The following LMBR1 variants were observed in gnomAD, a reference collection of about 807,000 sequenced individuals.
LMBR1 encodes limb region 1 protein homolog.
LMBR1 carries 52 observed loss-of-function variants against 73.9 expected under a neutral mutation model. The observed-to-expected ratio is 0.70, with a 90% CI of 0.56 to 0.89. LMBR1 has a LOEUF of 0.89. Ranked by LOEUF, LMBR1 falls within the 40% of genes least tolerant of loss-of-function variation. The probability of loss-of-function intolerance (pLI) is 0.00; values close to 1 mark genes in which losing one functional copy is unlikely to be tolerated. For missense variants in LMBR1, 539 were observed against 579.8 expected (o/e 0.93, Z 0.72); for synonymous variants, 215 against 209.4 (o/e 1.03, Z -0.23).
In LMBR1 at chr7:156,680,141, C is replaced by T; in HGVS notation, c.*3937G>A. On this transcript the variant is annotated 3_prime_UTR_variant, in exon 17 of 17. Coordinates refer to ENST00000353442, the MANE Select transcript of LMBR1 (RefSeq NM_022458.4). ...CAATAATTTTTACCTAAACAATATT[C>T]AAAAACCAAAAAAAAAAAAAACTCC... 1 of 137,486 alleles carries T rather than the reference C, an allele frequency of 7.3e-6. No homozygotes were observed. Among genetic ancestry groups the T allele is most frequent in the South Asian group, 2.3e-4 (1 of 4,298 alleles). 8.5% of individuals were successfully genotyped at this position (137,486 alleles called of 1,614,324 possible).
At chr7:156,719,391 T>C (rs111721968) in intron 15 of LMBR1, among the ~76,000 whole-genome samples, 1 of 152,232 alleles carries the variant, frequency 6.6e-6, no homozygotes, top group African/African-American at 2.4e-5. Flanking sequence ...TTGTTGGACA[T>C]TTGGATTGGT....
chr7:156,892,781 G>C (rs1440823275), intron 1 of LMBR1, 147 bp downstream of exon 1: 1 of 439,640 alleles, frequency 2.3e-6, no homozygotes, highest in Non-Finnish European at 4.0e-6. Context: ...GAGAGGAGGG[G>C]TGGGGAGGGA....
chr7:156,717,006 G>T (rs899933921), intron 15 of LMBR1, among the ~76,000 whole-genome samples: 26 of 152,150 alleles, frequency 1.7e-4, no homozygotes, highest in African/African-American at 6.0e-4. Flanking sequence ...GGGTGTGGTG[G>T]TGGGCAGCTG....
intron 5 of LMBR1, among the ~76,000 whole-genome samples, chr7:156,766,011 G>A (rs1456515931): frequency 6.6e-6 from 1 of 152,160 alleles, no homozygotes; most frequent in Non-Finnish European, 1.5e-5. Flanking sequence ...GATAATCAGT[G>A]TTGGGAAATC....
chr7:156,786,964 A>ATT (rs1828216489), intron 5 of LMBR1, among the ~76,000 whole-genome samples: 1 of 152,092 alleles, frequency 6.6e-6, no homozygotes, highest in African/African-American at 2.4e-5. Flanking sequence ...CTTTAATGCT[A>ATT]TTTTCTTGGC....
intron 15 of LMBR1, among the ~76,000 whole-genome samples, chr7:156,715,827 C>T (rs1481446570): frequency 2.6e-5 from 4 of 152,162 alleles, no homozygotes; most frequent in African/African-American, 4.8e-5. Context: ...ATTCATCCAA[C>T]GATGGACACT....
chr7:156,819,192 C>T (rs952135438), intron 4 of LMBR1, among the ~76,000 whole-genome samples: 10 of 152,158 alleles, frequency 6.6e-5, no homozygotes, highest in African/African-American at 2.2e-4. Context: ...AATTCTTGCC[C>T]AGAAAAGTAA....
chr7:156,844,967 G>A (rs1433746340), intron 1 of LMBR1, among the ~76,000 whole-genome samples: 2 of 152,148 alleles, frequency 1.3e-5, no homozygotes, highest in Non-Finnish European at 2.9e-5. Flanking sequence ...AGACTGGTGC[G>A]TTATAATCAA....
intron 5 of LMBR1, among the ~76,000 whole-genome samples, chr7:156,784,471 C>T (rs1827720422): frequency 6.6e-6 from 1 of 152,154 alleles, no homozygotes; most frequent in African/African-American, 2.4e-5. Context: ...CCCACGTTCA[C>T]TACTTCAGCC....
chr7:156,771,257 G>A (rs1389860866), intron 5 of LMBR1, among the ~76,000 whole-genome samples: 4 of 151,602 alleles, frequency 2.6e-5, no homozygotes, highest in South Asian at 2.1e-4. Flanking sequence ...ATAGAGACAC[G>A]AAAAACCATA....
At chr7:156,675,816 T>C (rs939466387), downstream of LMBR1, 8 of 1,614,024 alleles carry the variant, frequency 5.0e-6, no homozygotes, top group Non-Finnish European at 5.9e-6. Flanking sequence ...GGAAGAAAAA[T>C]GTGGCCATGA....
chr7:156,674,035 G>A (rs776710923), downstream of LMBR1, among the ~76,000 whole-genome samples: 16 of 152,164 alleles, frequency 1.1e-4, no homozygotes, highest in Admixed American at 2.6e-4. Flanking sequence ...AGATCTCCAC[G>A]GGACTTGTTC....
At chr7:156,882,803 C>T (rs1419928445) in intron 1 of LMBR1, among the ~76,000 whole-genome samples, 2 of 152,336 alleles carry the variant, frequency 1.3e-5, no homozygotes, top group East Asian at 3.9e-4. Context: ...GAGGCCGAGG[C>T]AGGCAGATCA....
chr7:156,750,249 T>C (rs1820605409), intron 9 of LMBR1, among the ~76,000 whole-genome samples: 1 of 152,180 alleles, frequency 6.6e-6, no homozygotes, highest in South Asian at 2.1e-4. Flanking sequence ...TTAATGCCGT[T>C]GCATTACTTA....
At chr7:156,793,345 C>T (rs938063429) in intron 5 of LMBR1, among the ~76,000 whole-genome samples, 2 of 152,146 alleles carry the variant, frequency 1.3e-5, no homozygotes, top group African/African-American at 2.4e-5. Flanking sequence ...ACCTTTCCAA[C>T]TTTCATGTGA....
intron 4 of LMBR1, among the ~76,000 whole-genome samples, chr7:156,820,238 T>C (rs796757951): frequency 1.1e-4 from 17 of 152,248 alleles, no homozygotes; most frequent in African/African-American, 4.1e-4. Context: ...ATGCAGCTAC[T>C]GATCTGGCAA....
intron 5 of LMBR1, among the ~76,000 whole-genome samples, chr7:156,768,426 T>G (rs1292581011): frequency 6.6e-6 from 1 of 152,160 alleles, no homozygotes; most frequent in East Asian, 1.9e-4. Context: ...TTTAGCATGT[T>G]TATGCAAATT....
At chr7:156,767,591 T>A (rs1236303768) in intron 5 of LMBR1, among the ~76,000 whole-genome samples, 1 of 151,978 alleles carries the variant, frequency 6.6e-6, no homozygotes, top group Non-Finnish European at 1.5e-5. Flanking sequence ...TTACCACTAA[T>A]CTTACTAGTA....
At chr7:156,734,141 G>A (rs577878552) in intron 10 of LMBR1, 36 bp downstream of exon 10, 3 of 1,297,694 alleles carry the variant, frequency 2.3e-6, no homozygotes, top group African/African-American at 3.0e-5. Flanking sequence ...AGAAACCAAG[G>A]CCAATACACA....
Sources: allele counts gnomAD v4.1 joint callset (sites outside exome capture counted in the v4.1 genomes callset), GRCh38; gene constraint gnomAD v4.1.1; transcripts MANE v1.5; gene names NCBI Gene and HGNC (gene_info 2026-07-23, HGNC 2026-07-21).